EMC3: variants seen among roughly 807,000 people sequenced by gnomAD.
EMC3 encodes the protein 30 kDa protein.
Under a neutral mutation model 36.6 loss-of-function variants are expected in EMC3, and 13 were observed. The ratio of observed to expected loss-of-function variants is 0.35; its 90% CI spans 0.23 to 0.56. EMC3 has a LOEUF of 0.56. EMC3 is among the 20% of genes least tolerant of loss of function. EMC3 has a pLI of 0.84. For synonymous variants in EMC3, 120 were observed against 111.9 expected (o/e 1.07, Z -0.46); for missense variants, 220 against 324.5 (o/e 0.68, Z 2.47).
At chr3:10,002,101 G>T (rs1270085357) in intron 1 of EMC3, among the ~76,000 whole-genome samples, 2 of 152,094 alleles carry the variant, frequency 1.3e-5, no homozygotes, top group African/African-American at 4.8e-5. Context: ...AATTCCATGT[G>T]AATTTTGGTA....
intron 3 of EMC3, 122 bp downstream of exon 3, chr3:9,976,835 A>C (rs2085855166): frequency 2.8e-6 from 2 of 716,972 alleles, no homozygotes; most frequent in East Asian, 2.5e-5. Flanking sequence ...TCTAAGGTCT[A>C]AGATTACTAT....
At chr3:9,976,930 A>T in intron 3 of EMC3, 27 bp downstream of exon 3, 1 of 1,545,294 alleles carries the variant, frequency 6.5e-7, no homozygotes, top group Non-Finnish European at 8.8e-7. Flanking sequence ...AATCTTCCTT[A>T]AAGATGAGTG....
chr3:9,989,428 C>T (rs557810679), upstream of EMC3, among the ~76,000 whole-genome samples: 119 of 152,260 alleles, frequency 7.8e-4, 1 homozygote, highest in South Asian at 0.018. Context: ...TGGTGGCACA[C>T]GCCACTGCAC....
chr3:9,987,034 G>C (rs1202087725), upstream of EMC3: 2 of 998,108 alleles, frequency 2.0e-6, no homozygotes, highest in African/African-American at 3.4e-5. Context: ...GCTAACAGGT[G>C]AAACCCTGTC....
At chr3:9,987,961 CTG>C, upstream of EMC3, 2 of 1,006,724 alleles carry the variant, frequency 2.0e-6, no homozygotes, top group South Asian at 2.5e-5. Context: ...TTTGCCATCA[CTG>C]TTGCAGGCTT....
upstream of EMC3, chr3:9,986,986 TG>T (rs1464568807): frequency 6.4e-6 from 7 of 1,097,628 alleles, no homozygotes; most frequent in Non-Finnish European, 7.8e-6. Context: ...GAGGCCAAGG[TG>T]GGGGGATCAC....
chr3:9,986,990 G>A (rs2085982867), upstream of EMC3: 5 of 1,091,752 alleles, frequency 4.6e-6, no homozygotes, highest in East Asian at 6.6e-5. Flanking sequence ...CCAAGGTGGG[G>A]GGATCACGAG....
At chr3:10,005,140 A>G (rs1484574813) in intron 1 of EMC3, 1 of 152,026 alleles carries the variant, frequency 6.6e-6, no homozygotes. Flanking sequence ...AAACCAGAGG[A>G]GGAGAGTTGC....
chr3:10,007,637 G>C (rs745661509), intron 1 of EMC3: 3 of 1,361,184 alleles, frequency 2.2e-6, no homozygotes, highest in Non-Finnish European at 2.9e-6. Context: ...AGGGATGGAG[G>C]GGGTGGTGGG....
chr3:9,964,146 C>A lies in EMC3; in HGVS notation c.709G>T (p.Val237Phe). Residue 237 changes from valine (V) to phenylalanine (F), a missense_variant, in exon 8 of 8, where the codon GTC becomes TTC. Transcript: ENST00000245046. The part of the protein sequence containing the change: ...LTDHQWALDD[V>F]EEELMAKDLH... ...TCTTTGGCCATGAGCTCTTCTTCGA[C>A]ATCATCTAGTGCCCACTGGTGATCC... The A allele has an allele frequency of 6.2e-7, 1 of 1,614,184 alleles. No homozygotes were observed. Among genetic ancestry groups the A allele is most frequent in the Non-Finnish European group, 8.5e-7 (1 of 1,180,036 alleles).
chr3:9,998,366 AAATAATAATAAT>A lies in EMC3; in HGVS notation c.-241-11476_-241-11465del, dbSNP rs35879571. The stretch of plus-strand genomic sequence containing the variant: ...GGGCAACAGAGCGAGACTCTGTCTC[AAATAATAATAAT>A]AATAATAATAATAATAATAATAATA... On this transcript the variant is annotated intron_variant, in intron 1 of 8. Coordinates refer to the EMC3 transcript ENST00000470827. 9.3e-3 allele frequency among the ~76,000 whole-genome samples: 1,284 copies of A among 137,374 alleles called. 25 individuals carry two copies. Among genetic ancestry groups the A allele is most frequent in the African/African-American group, 0.031 (1,163 of 37,520 alleles). The allele number at this position is 137,374 out of a possible 152,430, so 90.1% of individuals were successfully genotyped here. A position where few individuals can be genotyped will look rare whatever the true frequency, so the allele number is the denominator to read the frequency against.
intron 1 of EMC3, among the ~76,000 whole-genome samples, chr3:9,983,779 G>A (rs17050672): frequency 0.16 from 24,915 of 152,184 alleles, 2,129 homozygotes; most frequent in South Asian, 0.21. Context: ...TGCTCTAATA[G>A]TGAACCATGG....
intron 1 of EMC3, chr3:10,003,457 G>T: frequency 2.8e-6 from 1 of 356,588 alleles, no homozygotes; most frequent in South Asian, 2.1e-5. Flanking sequence ...ACTACACTTA[G>T]AGTAGTTTTA....
In EMC3 at chr3:9,969,205, C is replaced by T. The variant is rs953639450; in HGVS notation, c.657+514G>A. ...GAACTCCTGAACTCAGGTGATCTGCCCACCTTGGCCTCCCAAAGTGCTGGG... is the reference window on the plus strand; with the variant it reads ...GAACTCCTGAACTCAGGTGATCTGCTCACCTTGGCCTCCCAAAGTGCTGGG... On this transcript the variant is annotated intron_variant, in intron 7 of 7. Coordinates refer to ENST00000245046, the MANE Select transcript of EMC3 (RefSeq NM_001394674.1). 2.6e-5 allele frequency: 9 copies of T among 352,834 alleles called. No homozygotes were observed. In the East Asian group the frequency reaches 1.3e-3, roughly 52 times the overall value. 21.9% of individuals were successfully genotyped at this position (352,834 alleles called of 1,614,324 possible).
At chr3:9,970,961 T>C (rs2085779158) in intron 5 of EMC3, among the ~76,000 whole-genome samples, 1 of 152,064 alleles carries the variant, frequency 6.6e-6, no homozygotes, top group African/African-American at 2.4e-5. Context: ...CTCACCCTGT[T>C]ACCCAGGCTG....
At chr3:9,980,589 T>C (rs2085900820) in intron 1 of EMC3, among the ~76,000 whole-genome samples, 3 of 148,900 alleles carry the variant, frequency 2.0e-5, no homozygotes, top group Admixed American at 2.0e-4. Flanking sequence ...GGTCTCACTA[T>C]GCTGCCCAGG....
chr3:9,968,075 C>G (rs991992264), intron 7 of EMC3, among the ~76,000 whole-genome samples: 1 of 152,228 alleles, frequency 6.6e-6, no homozygotes, highest in Non-Finnish European at 1.5e-5. Flanking sequence ...GCAGGCACCA[C>G]CATGCACAGC....
At chr3:9,970,435 T>G (rs1250268198) in intron 6 of EMC3, 147 bp downstream of exon 6, 15 of 899,010 alleles carry the variant, frequency 1.7e-5, no homozygotes, top group Non-Finnish European at 2.5e-5. Context: ...TTTTTAAGAC[T>G]CTTTCAGAAT....
At chr3:9,997,214 A>G (rs2086136577) in intron 1 of EMC3, among the ~76,000 whole-genome samples, 1 of 151,068 alleles carries the variant, frequency 6.6e-6, no homozygotes, top group African/African-American at 2.4e-5. Context: ...CACTTAGCAT[A>G]TTATTTTCTT....
Sources: gnomAD v4.1 joint callset for allele counts (sites outside exome capture counted in the v4.1 genomes callset) on GRCh38, gnomAD v4.1.1 for gene constraint, MANE v1.5 for transcripts, NCBI Gene and HGNC (gene_info 2026-07-23, HGNC 2026-07-21) for gene names.